ZCWPW2: variants seen among roughly 807,000 people sequenced by gnomAD.
ZCWPW2 encodes zinc finger CW-type PWWP domain protein 2.
A neutral mutation model predicts 46.6 loss-of-function variants in ZCWPW2; 45 were observed. The ratio of observed to expected loss-of-function variants is 0.96; its 90% CI spans 0.76 to 1.24. The LOEUF (loss-of-function observed/expected upper bound fraction) is 1.24. ZCWPW2 is among the 50% of genes most tolerant of loss of function. The probability of loss-of-function intolerance (pLI) is 0.00; values close to 1 mark genes in which losing one functional copy is unlikely to be tolerated. For missense variants in ZCWPW2, 429 were observed against 403.9 expected (o/e 1.06, Z -0.53); for synonymous variants, 152 against 137.1 (o/e 1.11, Z -0.76).
rs371642007 is a variant in ZCWPW2, at chr3:28,525,753, G to T, written c.*1065G>T. 6.6e-6 allele frequency among the ~76,000 whole-genome samples: 1 copy of T among 152,190 alleles called. No homozygotes were observed. The highest frequency in any genetic ancestry group is 1.5e-5 in the Non-Finnish European group (1 of 68,024). ...TATTTTTAGATTCTATGATAATTAC[G>T]TAGAGTGGAGAGTGGAGATAGACTC... is the stretch of plus-strand genomic sequence containing the variant. On this transcript the variant is annotated 3_prime_UTR_variant, in exon 10 of 10. Coordinates refer to ENST00000383768, the MANE Select transcript of ZCWPW2 (RefSeq NM_001040432.4).
chr3:28,443,091 G>A (rs1697834538), intron 4 of ZCWPW2, among the ~76,000 whole-genome samples: 1 of 152,080 alleles, frequency 6.6e-6, no homozygotes, highest in African/African-American at 2.4e-5. Context: ...GGACCCACTG[G>A]ACCCACTGTA....
intron 3 of ZCWPW2, among the ~76,000 whole-genome samples, chr3:28,430,030 G>T (rs1170858459): frequency 2.6e-5 from 4 of 152,224 alleles, no homozygotes; most frequent in African/African-American, 9.6e-5. Context: ...CCCCCACACA[G>T]AGTCCCCACT....
At chr3:28,447,776 A>G in intron 4 of ZCWPW2, 1 of 741,218 alleles carries the variant, frequency 1.3e-6, no homozygotes, top group Non-Finnish European at 2.4e-6. Flanking sequence ...TACAACCACT[A>G]ATAAAACTAG....
At chr3:28,484,362 T>G (rs1447005291) in intron 5 of ZCWPW2, among the ~76,000 whole-genome samples, 1 of 152,236 alleles carries the variant, frequency 6.6e-6, no homozygotes, top group Non-Finnish European at 1.5e-5. Flanking sequence ...TGGCATAATT[T>G]CTTCCTATAT....
intron 5 of ZCWPW2, 78 bp from the exon 6 acceptor site, chr3:28,492,049 C>T: frequency 7.2e-7 from 1 of 1,396,628 alleles, no homozygotes; most frequent in African/African-American, 1.4e-5. Flanking sequence ...GTAGAAAATT[C>T]TAATTGTGTA....
At chr3:28,523,998 A>G (rs1451470808) in intron 9 of ZCWPW2, among the ~76,000 whole-genome samples, 4 of 152,108 alleles carry the variant, frequency 2.6e-5, no homozygotes, top group African/African-American at 9.6e-5. Flanking sequence ...AACTACATAT[A>G]TACTTTTTCC....
chr3:28,507,378 A>T (rs940153740), intron 6 of ZCWPW2, among the ~76,000 whole-genome samples: 6 of 152,232 alleles, frequency 3.9e-5, no homozygotes, highest in African/African-American at 1.2e-4. Flanking sequence ...AAACCTTTTT[A>T]CTTTATATTC....
At chr3:28,413,983 A>T (rs780067151) in intron 3 of ZCWPW2, among the ~76,000 whole-genome samples, 1 of 151,990 alleles carries the variant, frequency 6.6e-6, no homozygotes, top group Non-Finnish European at 1.5e-5. Flanking sequence ...ATATTCCAAT[A>T]TTTCCCATTC....
chr3:28,391,761 C>G (rs1695502748), intron 2 of ZCWPW2, among the ~76,000 whole-genome samples: 1 of 152,106 alleles, frequency 6.6e-6, no homozygotes, highest in African/African-American at 2.4e-5. Context: ...ACTGCAGACA[C>G]CCAGAGAGGG....
At chr3:28,414,000 G>A (rs185525497) in intron 3 of ZCWPW2, among the ~76,000 whole-genome samples, 1 of 151,956 alleles carries the variant, frequency 6.6e-6, no homozygotes, top group East Asian at 1.9e-4. Context: ...ATTCTAGGTT[G>A]GTTTTCCCAA....
chr3:28,435,298 C>G, intron 4 of ZCWPW2, 29 bp downstream of exon 4: 1 of 1,551,060 alleles, frequency 6.4e-7, no homozygotes, highest in Non-Finnish European at 8.7e-7. Context: ...AAACTTTATT[C>G]TTCTTGCACT....
At position 28,368,322 on chromosome 3, in the gene ZCWPW2, C is replaced by G. The variant is rs530333098; in HGVS notation, c.-134+19119C>G. On this transcript the variant is annotated intron_variant, in intron 1 of 9. Transcript: ENST00000383768. ...CCATGTTTAGTGCTTCCTTCAGGAG[C>G]TCTTGTAGAGGCCTGCCCTACAAGA... Among the ~76,000 whole-genome samples, 5 of 152,218 alleles carry G rather than the reference C, an allele frequency of 3.3e-5. No individual in the cohort carries two copies. The South Asian group carries it at 1.0e-3, about 32-fold the overall frequency.
intron 4 of ZCWPW2, among the ~76,000 whole-genome samples, chr3:28,456,050 A>T (rs1430055896): frequency 1.3e-5 from 2 of 152,194 alleles, no homozygotes; most frequent in Non-Finnish European, 2.9e-5. Context: ...TGGGAATAGC[A>T]TTGAATCTAT....
At chr3:28,420,526 A>T (rs1315638180) in intron 3 of ZCWPW2, among the ~76,000 whole-genome samples, 4 of 150,564 alleles carry the variant, frequency 2.7e-5, no homozygotes. Context: ...CTCATCATCA[A>T]ATATTTTTCT....
chr3:28,369,274 C>T (rs1008814432), intron 1 of ZCWPW2, among the ~76,000 whole-genome samples: 3 of 152,100 alleles, frequency 2.0e-5, no homozygotes, highest in African/African-American at 7.2e-5. Context: ...GTTTTTTCCC[C>T]ATCTTTGTGG....
chr3:28,460,708 A>G (rs1001827983), intron 4 of ZCWPW2, among the ~76,000 whole-genome samples: 12 of 152,198 alleles, frequency 7.9e-5, no homozygotes, highest in African/African-American at 2.7e-4. Context: ...TATCCTAGTG[A>G]TTAAGTTTCT....
intron 1 of ZCWPW2, among the ~76,000 whole-genome samples, chr3:28,383,578 TA>T (rs773083516): frequency 0.047 from 6,993 of 147,760 alleles, 198 homozygotes; most frequent in Middle Eastern, 0.091. Context: ...ACTTTATAAG[TA>T]AAAAAAAAAA....
At chr3:28,366,831 G>A (rs1372226199) in intron 1 of ZCWPW2, among the ~76,000 whole-genome samples, 2 of 152,100 alleles carry the variant, frequency 1.3e-5, no homozygotes, top group Non-Finnish European at 2.9e-5. Context: ...GCCTGTTATT[G>A]GTCTATTCAG....
chr3:28,435,284 A>G lies in ZCWPW2; in HGVS notation c.492+15A>G. The G allele has an allele frequency of 6.3e-7, 1 of 1,577,434 alleles. No homozygotes were observed. The highest frequency in any genetic ancestry group is 8.6e-7 in the Non-Finnish European group (1 of 1,167,432). ...TCACATTAAAGGTAGGTATCATAAC[A>G]TCAAAACTTTATTCTTCTTGCACTT... On this transcript the variant is annotated intron_variant, in intron 4 of 9. Coordinates refer to ENST00000383768, the MANE Select transcript of ZCWPW2 (RefSeq NM_001040432.4).
Sources: gnomAD v4.1 joint callset for allele counts (sites outside exome capture counted in the v4.1 genomes callset) on GRCh38, gnomAD v4.1.1 for gene constraint, MANE v1.5 for transcripts, NCBI Gene and HGNC (gene_info 2026-07-23, HGNC 2026-07-21) for gene names.